The following CACUL1 variants were observed in gnomAD, a reference collection of about 807,000 sequenced individuals.
CACUL1 encodes the protein CDK2-associated and cullin domain-containing protein 1.
In CACUL1, 13 loss-of-function variants were observed where a neutral mutation model predicts 45.2. That is an observed-to-expected ratio of 0.29 (90% CI 0.19 to 0.46). The LOEUF (loss-of-function observed/expected upper bound fraction) is 0.46. CACUL1 is among the 20% of genes least tolerant of loss of function. The probability of loss-of-function intolerance (pLI) is 1.00; values close to 1 mark genes in which losing one functional copy is unlikely to be tolerated. For synonymous variants in CACUL1, 197 were observed against 174.2 expected (o/e 1.13, Z -1.03); for missense variants, 421 against 471.4 (o/e 0.89, Z 0.99).
At chr10:118,699,365 G>A (rs1044136560) in intron 5 of CACUL1, among the ~76,000 whole-genome samples, 11 of 152,044 alleles carry the variant, frequency 7.2e-5, no homozygotes, top group African/African-American at 2.2e-4. Context: ...ATTGAAAACC[G>A]GACAACATGA....
chr10:118,750,422 T>C (rs1845885782), intron 1 of CACUL1, among the ~76,000 whole-genome samples: 1 of 152,220 alleles, frequency 6.6e-6, no homozygotes, highest in Admixed American at 6.5e-5. Context: ...CTGTGGATTA[T>C]CATCGATCAA....
chr10:118,752,400 T>C (rs145632927), intron 1 of CACUL1, among the ~76,000 whole-genome samples: 79 of 152,308 alleles, frequency 5.2e-4, no homozygotes, highest in Middle Eastern at 6.8e-3. Flanking sequence ...AGGGCACCAA[T>C]TGAGATAATC....
chr10:118,707,342 CAACTATCGCACATTACTGAAAT>C (rs1353468809), intron 4 of CACUL1, 128 bp downstream of exon 4: 2 of 474,806 alleles, frequency 4.2e-6, no homozygotes, highest in Non-Finnish European at 7.4e-6. Flanking sequence ...TCTATGTCAA[CAACTATCGCACATTACTGAAAT>C]AACTTAATTT....
chr10:118,736,839 C>T (rs995290467), intron 1 of CACUL1, among the ~76,000 whole-genome samples: 4 of 151,944 alleles, frequency 2.6e-5, no homozygotes, highest in African/African-American at 9.7e-5. Flanking sequence ...TTTTACTGTA[C>T]CTTTTCTATG....
At chr10:118,692,819 A>C (rs1179687435) in intron 6 of CACUL1, 1 of 152,262 alleles carries the variant, frequency 6.6e-6, no homozygotes, top group East Asian at 1.9e-4. Flanking sequence ...AGTAGAAGTT[A>C]ATAAAACGTC....
chr10:118,701,988 G>T (rs1025578462), intron 4 of CACUL1, among the ~76,000 whole-genome samples: 2 of 152,146 alleles, frequency 1.3e-5, no homozygotes, highest in African/African-American at 4.8e-5. Flanking sequence ...AGGCCTCTGA[G>T]CCCAAGCCTG....
At chr10:118,731,154 C>T (rs979134816) in intron 1 of CACUL1, among the ~76,000 whole-genome samples, 6 of 152,114 alleles carry the variant, frequency 3.9e-5, no homozygotes, top group African/African-American at 1.4e-4. Flanking sequence ...AGTTGCTTCA[C>T]GGCACTGAAA....
chr10:118,733,485 G>C (rs192439832), intron 1 of CACUL1, among the ~76,000 whole-genome samples: 7,261 of 152,190 alleles, frequency 0.048, 559 homozygotes, highest in African/African-American at 0.16. Flanking sequence ...ACCATCTGCA[G>C]TCAACACTTA....
At chr10:118,694,125 A>C (rs1251847311) in intron 6 of CACUL1, among the ~76,000 whole-genome samples, 1 of 152,152 alleles carries the variant, frequency 6.6e-6, no homozygotes, top group African/African-American at 2.4e-5. Context: ...CGGCCTCCCA[A>C]AGTGCTGGGG....
intron 1 of CACUL1, among the ~76,000 whole-genome samples, chr10:118,740,991 T>C (rs1845787719): frequency 6.7e-6 from 1 of 149,166 alleles, no homozygotes; most frequent in South Asian, 2.1e-4. Flanking sequence ...ATGTTAGAGG[T>C]ATAAGAGAAT....
chr10:118,745,316 G>A (rs377369924), intron 1 of CACUL1, among the ~76,000 whole-genome samples: 40 of 152,154 alleles, frequency 2.6e-4, no homozygotes, highest in African/African-American at 9.4e-4. Flanking sequence ...CTAGCACTTT[G>A]GGAGGCCGAG....
intron 1 of CACUL1, among the ~76,000 whole-genome samples, chr10:118,734,332 T>A (rs957026596): frequency 6.6e-6 from 1 of 152,138 alleles, no homozygotes; most frequent in African/African-American, 2.4e-5. Flanking sequence ...GGCTAAAGAG[T>A]ATATACAGAC....
At chr10:118,708,147 CAAAAAAAAAAAA>C (rs34008762) in intron 3 of CACUL1, among the ~76,000 whole-genome samples, 1 of 104,028 alleles carries the variant, frequency 9.6e-6, no homozygotes, top group Non-Finnish European at 1.8e-5. Flanking sequence ...AACACTGTCT[CAAAAAAAAAAAA>C]AAAAAAAAGA....
At chr10:118,705,043 C>T (rs568477574) in intron 4 of CACUL1, among the ~76,000 whole-genome samples, 4 of 152,296 alleles carry the variant, frequency 2.6e-5, no homozygotes, top group South Asian at 2.1e-4. Context: ...GGGCCTCATA[C>T]GTGAATTCTG....
rs551378751 is a variant in CACUL1, at chr10:118,679,279, T to G, written c.*6849A>C. The G allele has an allele frequency of 1.3e-5, 2 of 152,348 alleles. No homozygotes were observed. Among genetic ancestry groups the G allele is most frequent in the Admixed American group, 1.3e-4 (2 of 15,304 alleles). The allele number at this position is 152,348 out of a possible 1,614,324, so 9.4% of individuals were successfully genotyped here. A position where few individuals can be genotyped will look rare whatever the true frequency, so the allele number is the denominator to read the frequency against. ...GTCCAGTGGTGTGACCTTAGCCCACTGTAACCTCCACTTCCTGGGTTCAAG... is the reference window on the plus strand; with the variant it reads ...GTCCAGTGGTGTGACCTTAGCCCACGGTAACCTCCACTTCCTGGGTTCAAG... On this transcript the variant is annotated 3_prime_UTR_variant, in exon 9 of 9. Transcript: ENST00000369151.
At chr10:118,744,678 C>G (rs1419597944) in intron 1 of CACUL1, among the ~76,000 whole-genome samples, 3 of 152,104 alleles carry the variant, frequency 2.0e-5, no homozygotes, top group Non-Finnish European at 2.9e-5. Flanking sequence ...GGGGCAGGAA[C>G]AGATTCTCGT....
intron 5 of CACUL1, 66 bp downstream of exon 5, chr10:118,701,240 A>C: frequency 1.7e-6 from 1 of 593,774 alleles, no homozygotes; most frequent in Non-Finnish European, 2.6e-6. Flanking sequence ...CTCTCAGACC[A>C]AAAAAAAAAG....
At chr10:118,744,460 G>A (rs758775509) in intron 1 of CACUL1, among the ~76,000 whole-genome samples, 8 of 152,144 alleles carry the variant, frequency 5.3e-5, no homozygotes, top group Non-Finnish European at 1.2e-4. Flanking sequence ...AAAGCAAATT[G>A]GTGGATGCCA....
chr10:118,736,229 G>T (rs1019071049), intron 1 of CACUL1, among the ~76,000 whole-genome samples: 16 of 152,038 alleles, frequency 1.1e-4, no homozygotes, highest in African/African-American at 3.9e-4. Context: ...TTTTTAAACA[G>T]AAAAAATTTT....
Sources: allele counts gnomAD v4.1 joint callset (sites outside exome capture counted in the v4.1 genomes callset), GRCh38; gene constraint gnomAD v4.1.1; transcripts MANE v1.5; gene names NCBI Gene and HGNC (gene_info 2026-07-23, HGNC 2026-07-21).